The following CR2 variants were observed in gnomAD, a reference collection of about 807,000 sequenced individuals.
The protein encoded by CR2 is complement receptor type 2.
In CR2, 96 loss-of-function variants were observed where a neutral mutation model predicts 123.0. The ratio of observed to expected loss-of-function variants is 0.78; its 90% CI spans 0.66 to 0.93. The LOEUF is 0.93. Ranked by LOEUF, CR2 falls within the 40% of genes least tolerant of loss-of-function variation. The probability of loss-of-function intolerance (pLI) is 0.00; values close to 1 mark genes in which losing one functional copy is unlikely to be tolerated. For synonymous variants in CR2, 484 were observed against 469.5 expected (o/e 1.03, Z -0.40); for missense variants, 1,258 against 1,361.0 (o/e 0.92, Z 1.19).
In CR2 at chr1:207,454,637, T is replaced by A; in HGVS notation, c.58+161T>A. On this transcript the variant is annotated intron_variant, in intron 1 of 19. Transcript: ENST00000367057. The surrounding 1 kb of genome is among the most constrained non-coding windows in gnomAD (Gnocchi z 4.3). ...TGAGGGACCACTGCAATAAACCGCCTGGTCCTGATTGTCCCCACTGGCCCC... is the reference window on the plus strand; with the variant it reads ...TGAGGGACCACTGCAATAAACCGCCAGGTCCTGATTGTCCCCACTGGCCCC... The A allele has an allele frequency of 1.7e-6, 1 of 596,472 alleles. No homozygotes were observed. The highest frequency in any genetic ancestry group is 3.2e-5 in the East Asian group (1 of 31,290). The allele number at this position is 596,472 out of a possible 1,614,324, so 36.9% of individuals were successfully genotyped here. A position where few individuals can be genotyped will look rare whatever the true frequency, so the allele number is the denominator to read the frequency against.
chr1:207,488,324 A>G (rs1658803255), intron 19 of CR2, among the ~76,000 whole-genome samples: 2 of 152,176 alleles, frequency 1.3e-5, no homozygotes, highest in South Asian at 4.1e-4. Context: ...CTCCTACATA[A>G]TCTAGAAAAT....
Position 207,476,248 on chromosome 1 carries a change from C to T in CR2, c.2731C>T (p.Pro911Ser), listed in dbSNP as rs1658434666. The T allele has an allele frequency of 1.2e-6, 2 of 1,613,662 alleles. No homozygotes were observed. Among genetic ancestry groups the T allele is most frequent in the South Asian group, 1.1e-5 (1 of 91,050 alleles). Residue 911 changes from proline (P) to serine (S), a missense_variant, in exon 15 of 20, where the codon CCA becomes TCA. Physicochemically the swap from Pro to Ser is moderately conservative, Grantham distance 74. Coordinates refer to ENST00000367057, the MANE Select transcript of CR2 (RefSeq NM_001006658.3). ...TCIKKAFIGC[P>S]PPPKTPNGNH... is the part of the protein sequence containing the mutation. The stretch of plus-strand genomic sequence containing the variant: ...TGGTGTCTAAGCCTTCATAGGGTGT[C>T]CACCTCCGCCTAAGACCCCTAACGG...
chr1:207,476,549 T>C, intron 15 of CR2, 130 bp downstream of exon 15: 1 of 810,544 alleles, frequency 1.2e-6, no homozygotes, highest in Non-Finnish European at 2.0e-6. Context: ...AAGGCTTTAA[T>C]TAGATTAATA....
chr1:207,471,642 T>C (rs1397660977), intron 9 of CR2, 143 bp downstream of exon 9: 2 of 700,586 alleles, frequency 2.9e-6, no homozygotes, highest in Non-Finnish European at 2.6e-6. Flanking sequence ...GTTGCACAGT[T>C]TTACCATGTC....
At position 207,454,650 on chromosome 1, in the gene CR2, C is replaced by G; in HGVS notation, c.58+174C>G. ...CAATAAACCGCCTGGTCCTGATTGTCCCCACTGGCCCCTCCGGGAGCTGGG... is the reference window on the plus strand; with the variant it reads ...CAATAAACCGCCTGGTCCTGATTGTGCCCACTGGCCCCTCCGGGAGCTGGG... On this transcript the variant is annotated intron_variant, in intron 1 of 19. Coordinates refer to ENST00000367057, the MANE Select transcript of CR2 (RefSeq NM_001006658.3). The surrounding 1 kb of genome is among the most constrained non-coding windows in gnomAD (Gnocchi z 4.3). 1.8e-6 allele frequency: 1 copy of G among 549,912 alleles called. No homozygotes were observed. Among genetic ancestry groups the G allele is most frequent in the Non-Finnish European group, 3.2e-6 (1 of 316,362 alleles). The allele number at this position is 549,912 out of a possible 1,614,324, so 34.1% of individuals were successfully genotyped here. A position where few individuals can be genotyped will look rare whatever the true frequency, so the allele number is the denominator to read the frequency against.
At chr1:207,456,384 G>A (rs527751168) in intron 1 of CR2, among the ~76,000 whole-genome samples, 1 of 152,166 alleles carries the variant, frequency 6.6e-6, no homozygotes, top group African/African-American at 2.4e-5. Flanking sequence ...TAAAATGTAG[G>A]TTCCTGGTTC....
chr1:207,469,806 A>C lies in CR2; in HGVS notation c.929A>C (p.Glu310Ala), dbSNP rs775011276. 3 of 1,614,004 alleles carry C rather than the reference A, an allele frequency of 1.9e-6. No homozygotes were observed. Among genetic ancestry groups the C allele is most frequent in the South Asian group, 2.2e-5 (2 of 91,080 alleles). The change falls in exon 6 of 20, where the codon GAG (glutamate) becomes GCG (alanine). Residue 310 changes from glutamate (E) to alanine (A), a missense_variant. Coordinates refer to ENST00000367057, the MANE Select transcript of CR2 (RefSeq NM_001006658.3). ...ACTTACACTTGTGACCCGGACCCAGAGGAAGGAGTGAACTTCATCCTTATT... is the reference window on the plus strand; with the variant it reads ...ACTTACACTTGTGACCCGGACCCAGCGGAAGGAGTGAACTTCATCCTTATT... The part of the protein sequence containing the change: ...IVTYTCDPDP[E>A]EGVNFILIGE...
At chr1:207,482,588 T>G (rs909645782) in intron 18 of CR2, among the ~76,000 whole-genome samples, 2 of 152,112 alleles carry the variant, frequency 1.3e-5, no homozygotes, top group African/African-American at 4.8e-5. Context: ...ATGGCCTCTG[T>G]CATCAAGGAG....
Position 207,454,365 on chromosome 1 carries a change from C to T in CR2, c.-54C>T, listed in dbSNP as rs576007249. 5 of 1,498,602 alleles carry T rather than the reference C, an allele frequency of 3.3e-6. No individual in the cohort carries two copies. Among genetic ancestry groups the T allele is most frequent in the Admixed American group, 1.9e-5 (1 of 51,546 alleles). The allele number at this position is 1,498,602 out of a possible 1,614,324, so 92.8% of individuals were successfully genotyped here. On this transcript the variant is annotated 5_prime_UTR_variant, in exon 1 of 20. Transcript: ENST00000367057. The surrounding 1 kb of genome is among the most constrained non-coding windows in gnomAD (Gnocchi z 4.3). ...CTCCAGCCTTGCCCTCCCAGAGCTG[C>T]CGGACGCTCGCGGGTCTCGGAACGC...
chr1:207,470,174 T>G, intron 6 of CR2, 72 bp downstream of exon 6: 3 of 1,566,404 alleles, frequency 1.9e-6, no homozygotes, highest in Non-Finnish European at 2.6e-6. Context: ...GGTTGTGGGC[T>G]TTAGGTAGGG....
chr1:207,475,146 T>C lies in CR2; in HGVS notation c.2646T>C (p.Asn882=), dbSNP rs1658400318. The change falls in exon 14 of 20, where the codon AAT becomes AAC. Residue 882 remains asparagine, a synonymous_variant. Transcript: ENST00000367057. Reference sequence around the variant, plus strand: ...ACTGCAATCCTGGCTTCATCATGAATGGTAGTCGCGTGATTAGGTGTCATA... The same window carrying C: ...ACTGCAATCCTGGCTTCATCATGAACGGTAGTCGCGTGATTAGGTGTCATA... ...YVDCNPGFIM[N]GSRVIRCHTD... 1 of 1,612,754 alleles carries C rather than the reference T, an allele frequency of 6.2e-7. No individual in the cohort carries two copies. Among genetic ancestry groups the C allele is most frequent in the Non-Finnish European group, 8.5e-7 (1 of 1,179,496 alleles).
rs1657782677 is a variant in CR2, at chr1:207,454,579, A to G, written c.58+103A>G. On this transcript the variant is annotated intron_variant, in intron 1 of 19. Transcript: ENST00000367057. The surrounding 1 kb of genome is among the most constrained non-coding windows in gnomAD (Gnocchi z 4.3). ...GGGCCAAAAGCGAGACGGTGGGGGC[A>G]GTGCTCGACGCGTGTCCGCCTCCCG... 3 of 864,528 alleles carry G rather than the reference A, an allele frequency of 3.5e-6. No individual in the cohort carries two copies. Among genetic ancestry groups the G allele is most frequent in the African/African-American group, 3.5e-5 (2 of 57,722 alleles). The allele number at this position is 864,528 out of a possible 1,614,324, so 53.6% of individuals were successfully genotyped here.
At chr1:207,476,493 C>G (rs988008974) in intron 15 of CR2, 74 bp downstream of exon 15, 21 of 1,350,744 alleles carry the variant, frequency 1.6e-5, no homozygotes, top group Non-Finnish European at 2.2e-5. Context: ...TGGGTACTTT[C>G]AACTTAAAAT....
rs573898330 is a variant in CR2 at position 207,461,931 on chromosome 1, C to CTT, written c.59-4592_59-4591dup. On this transcript the variant is annotated intron_variant, in intron 1 of 19. Coordinates refer to ENST00000367057, the MANE Select transcript of CR2 (RefSeq NM_001006658.3). Reference sequence around the variant, plus strand: ...AGGGCTCCTGAGTGCTCCATGCTTCCTTTTACTCCTAGGGGCACTGGGTAT... The same window carrying CTT: ...AGGGCTCCTGAGTGCTCCATGCTTCCTTTTTTACTCCTAGGGGCACTGGGTAT... 7.9e-5 allele frequency among the ~76,000 whole-genome samples: 12 copies of CTT among 152,166 alleles called. 1 individual carries two copies. In the South Asian group the frequency reaches 2.3e-3, roughly 29 times the overall value.
chr1:207,459,562 T>G (rs1316270240), intron 1 of CR2, among the ~76,000 whole-genome samples: 2 of 152,212 alleles, frequency 1.3e-5, no homozygotes, highest in African/African-American at 4.8e-5. Flanking sequence ...CCATTCCAGG[T>G]AAAGTCCCTG....
intron 9 of CR2, 80 bp from the exon 10 acceptor site, chr1:207,472,692 A>G: frequency 6.9e-7 from 1 of 1,456,302 alleles, no homozygotes. Flanking sequence ...CAGATTCATA[A>G]CCAGCTTCAT....
intron 6 of CR2, among the ~76,000 whole-genome samples, chr1:207,470,413 A>C (rs1043951039): frequency 3.3e-5 from 5 of 152,190 alleles, no homozygotes; most frequent in Non-Finnish European, 5.9e-5. Flanking sequence ...TCAAGCCCTC[A>C]TTCCTAGGGA....
chr1:207,481,729 C>G (rs906608266), intron 18 of CR2, among the ~76,000 whole-genome samples: 2 of 151,930 alleles, frequency 1.3e-5, no homozygotes, highest in African/African-American at 2.4e-5. Context: ...TAATAGATTA[C>G]CTTATATAAG....
chr1:207,471,714 T>G (rs1248597442), intron 9 of CR2: 2 of 499,568 alleles, frequency 4.0e-6, no homozygotes, highest in Non-Finnish European at 7.4e-6. Context: ...GATTCTATTT[T>G]GTGGTTTACG....
Sources: gnomAD v4.1 joint callset for allele counts (sites outside exome capture counted in the v4.1 genomes callset) on GRCh38, gnomAD v4.1.1 for gene constraint, Gnocchi (gnomAD v3.1) non-coding constraint, MANE v1.5 for transcripts, NCBI Gene and HGNC (gene_info 2026-07-23, HGNC 2026-07-21) for gene names.